CEP128: variants seen among roughly 807,000 people sequenced by gnomAD.
The protein encoded by CEP128 is centrosomal protein 128, also known as centrosomal protein 128kDa.
In CEP128, 132 loss-of-function variants were observed where a neutral mutation model predicts 156.7. The observed-to-expected ratio is 0.84, with a 90% CI of 0.73 to 0.97. CEP128 has a LOEUF of 0.97. CEP128 is among the 50% of genes least tolerant of loss of function. CEP128 has a pLI of 0.00. For synonymous variants in CEP128, 469 were observed against 448.9 expected (o/e 1.04, Z -0.57); for missense variants, 1,252 against 1,281.9 (o/e 0.98, Z 0.36).
intron 13 of CEP128, among the ~76,000 whole-genome samples, chr14:80,809,327 T>TA (rs908395847): frequency 2.6e-5 from 4 of 151,454 alleles, no homozygotes; most frequent in African/African-American, 4.8e-5. Flanking sequence ...ATCAGAATTT[T>TA]AAAAAAAAAG....
chr14:80,909,875 A>C (rs771878410), intron 4 of CEP128, among the ~76,000 whole-genome samples: 2 of 152,192 alleles, frequency 1.3e-5, no homozygotes, highest in African/African-American at 4.8e-5. Flanking sequence ...ACATCTTACT[A>C]GGTGTAACGC....
At chr14:80,623,403 T>TA in intron 19 of CEP128, among the ~76,000 whole-genome samples, 1 of 151,860 alleles carries the variant, frequency 6.6e-6, no homozygotes, top group African/African-American at 2.4e-5. Flanking sequence ...GGCACATGTA[T>TA]ACATATGTAA....
chr14:80,794,657 T>G (rs373147672), intron 13 of CEP128, among the ~76,000 whole-genome samples: 2 of 152,190 alleles, frequency 1.3e-5, no homozygotes, highest in African/African-American at 4.8e-5. Context: ...TTATACTTCC[T>G]GTTCATCAAG....
At chr14:80,675,061 C>T (rs981813780) in intron 19 of CEP128, among the ~76,000 whole-genome samples, 2 of 152,070 alleles carry the variant, frequency 1.3e-5, no homozygotes, top group East Asian at 1.9e-4. Context: ...ATTGCACAAT[C>T]ACCTCGTCCT....
chr14:80,926,497 T>G (rs889960202), intron 2 of CEP128, among the ~76,000 whole-genome samples: 6 of 152,154 alleles, frequency 3.9e-5, no homozygotes, highest in African/African-American at 1.2e-4. Flanking sequence ...AGCCACTATT[T>G]GCACTCAAAC....
chr14:80,564,236 C>T (rs531380197), intron 20 of CEP128, among the ~76,000 whole-genome samples: 1 of 152,306 alleles, frequency 6.6e-6, no homozygotes, highest in South Asian at 2.1e-4. Context: ...AAAATGTTTA[C>T]TCTTAATGAC....
At chr14:80,935,630 CTA>C (rs1877463203) in intron 2 of CEP128, among the ~76,000 whole-genome samples, 1 of 105,866 alleles carries the variant, frequency 9.4e-6, no homozygotes, top group Non-Finnish European at 1.8e-5. Flanking sequence ...TGTATTCAAG[CTA>C]TGAGTCCCCC....
intron 14 of CEP128, among the ~76,000 whole-genome samples, chr14:80,788,686 C>G (rs1179780010): frequency 6.6e-6 from 1 of 151,996 alleles, no homozygotes; most frequent in Admixed American, 6.6e-5. Flanking sequence ...CAAGGTTTAC[C>G]AACTTTCCCT....
intron 2 of CEP128, among the ~76,000 whole-genome samples, chr14:80,934,871 T>C (rs982751724): frequency 2.6e-5 from 4 of 152,254 alleles, no homozygotes; most frequent in African/African-American, 9.6e-5. Flanking sequence ...GGTATATTAC[T>C]TGCTTACATT....
At chr14:80,907,923 TTGATCATAAAAATTAGCGTCAG>T (rs1312439810) in intron 4 of CEP128, among the ~76,000 whole-genome samples, 1 of 152,172 alleles carries the variant, frequency 6.6e-6, no homozygotes, top group Non-Finnish European at 1.5e-5. Context: ...TACAGTGATT[TTGATCATAAAAATTAGCGTCAG>T]AAATAAAACG....
chr14:80,668,197 A>T (rs1456351148), intron 19 of CEP128, among the ~76,000 whole-genome samples: 1 of 152,220 alleles, frequency 6.6e-6, no homozygotes, highest in Non-Finnish European at 1.5e-5. Context: ...GTTAAATAAT[A>T]GTCTAAAGAA....
chr14:80,650,610 G>A (rs138630597), intron 19 of CEP128, among the ~76,000 whole-genome samples: 2,811 of 152,224 alleles, frequency 0.018, 36 homozygotes, highest in Non-Finnish European at 0.027. Context: ...CTAGTTTATT[G>A]AGAGTTTTTA....
intron 4 of CEP128, among the ~76,000 whole-genome samples, chr14:80,911,192 T>C (rs10162526): frequency 0.049 from 7,499 of 152,194 alleles, 637 homozygotes; most frequent in African/African-American, 0.17. Context: ...ATAACAGAAG[T>C]GATCATTTAA....
At chr14:80,700,976 G>C (rs937869366) in intron 19 of CEP128, among the ~76,000 whole-genome samples, 1 of 152,150 alleles carries the variant, frequency 6.6e-6, no homozygotes, top group Admixed American at 6.6e-5. Context: ...GCAGGGAAGA[G>C]GGAGCAGAAC....
At chr14:80,505,092 A>G in intron 23 of CEP128, 72 bp from the exon 24 acceptor site, 2 of 575,668 alleles carry the variant, frequency 3.5e-6, no homozygotes, top group Non-Finnish European at 6.0e-6. Context: ...AACGTACTGA[A>G]GCTGAAATTA....
chr14:80,898,219 G>A (rs2139409118), intron 7 of CEP128, among the ~76,000 whole-genome samples: 1 of 152,280 alleles, frequency 6.6e-6, no homozygotes. Flanking sequence ...TGAAAAATCA[G>A]TAATTAAATG....
intron 7 of CEP128, among the ~76,000 whole-genome samples, chr14:80,898,555 A>G (rs1889452778): frequency 6.6e-6 from 1 of 152,182 alleles, no homozygotes; most frequent in Non-Finnish European, 1.5e-5. Context: ...AAACTAATCA[A>G]CTAAATCATC....
intron 19 of CEP128, among the ~76,000 whole-genome samples, chr14:80,660,868 G>A (rs950752418): frequency 3.9e-5 from 6 of 152,064 alleles, no homozygotes; most frequent in Non-Finnish European, 8.8e-5. Flanking sequence ...GAGACATTCA[G>A]CAATATTTTA....
At position 80,739,638 on chromosome 14, in the gene CEP128, CT is replaced by C. The variant is rs536749997; in HGVS notation, c.2806+3436del. The stretch of plus-strand genomic sequence containing the variant: ...ATTTTAGACACAAAGTTTTAATATT[CT>C]TTTTTTTTGATATTTTGGTATTTTG... On this transcript the variant is annotated intron_variant, in intron 19 of 24. Coordinates refer to ENST00000555265, the MANE Select transcript of CEP128 (RefSeq NM_152446.5). Among the ~76,000 whole-genome samples, 30 of 151,204 alleles carry C rather than the reference CT, an allele frequency of 2.0e-4. No homozygotes were observed. In the East Asian group the frequency reaches 2.7e-3, roughly 14 times the overall value.
Sources: gnomAD v4.1 joint callset for allele counts (sites outside exome capture counted in the v4.1 genomes callset) on GRCh38, gnomAD v4.1.1 for gene constraint, MANE v1.5 for transcripts, NCBI Gene and HGNC (gene_info 2026-07-23, HGNC 2026-07-21) for gene names.